Variants in VWC2L observed in about 807,000 individuals in gnomAD.
VWC2L encodes the protein von Willebrand factor C domain-containing protein 2-like.
A neutral mutation model predicts 21.6 loss-of-function variants in VWC2L; 10 were observed. The ratio of observed to expected loss-of-function variants is 0.46; its 90% CI spans 0.29 to 0.78. The LOEUF (loss-of-function observed/expected upper bound fraction) is 0.78. VWC2L is among the 30% of genes least tolerant of loss of function. VWC2L has a pLI of 0.10. For synonymous variants in VWC2L, 96 were observed against 94.3 expected, an observed-to-expected ratio of 1.02 and a Z score of -0.10; for missense variants, 209 against 277.1, an observed-to-expected ratio of 0.75 and a Z score of 1.74.
chr2:214,476,938 T>C (rs530043545), intron 3 of VWC2L, among the ~76,000 whole-genome samples: 9 of 152,296 alleles, frequency 5.9e-5, no homozygotes, highest in African/African-American at 1.7e-4. Context: ...TCCAAGAGCA[T>C]TGATTAACTT....
At chr2:214,545,577 T>C (rs762298792) in intron 3 of VWC2L, among the ~76,000 whole-genome samples, 8 of 152,174 alleles carry the variant, frequency 5.3e-5, no homozygotes, top group Admixed American at 2.0e-4. Context: ...TACAATATAA[T>C]GTGATGTTTC....
At chr2:214,418,854 G>T in intron 2 of VWC2L, among the ~76,000 whole-genome samples, 1 of 152,308 alleles carries the variant, frequency 6.6e-6, no homozygotes, top group Middle Eastern at 3.4e-3. Context: ...TGATAAGACT[G>T]CCTATTTTCG....
chr2:214,572,325 TTC>T (rs1690161755), intron 3 of VWC2L, among the ~76,000 whole-genome samples: 1 of 152,228 alleles, frequency 6.6e-6, no homozygotes, highest in African/African-American at 2.4e-5. Flanking sequence ...TTCCTCCATC[TTC>T]TCTTTCTAGA....
intron 3 of VWC2L, among the ~76,000 whole-genome samples, chr2:214,463,619 ATTCT>A (rs1703173844): frequency 6.6e-6 from 1 of 151,938 alleles, no homozygotes; most frequent in African/African-American, 2.4e-5. Context: ...CTGTTTCTTC[ATTCT>A]TTTTCATTTT....
intron 3 of VWC2L, among the ~76,000 whole-genome samples, chr2:214,547,357 C>T (rs768195439): frequency 7.2e-5 from 11 of 152,080 alleles, no homozygotes; most frequent in Non-Finnish European, 1.3e-4. Context: ...TAGAACTAAA[C>T]ATCTAGATCT....
chr2:214,574,062 A>G (rs962629201), intron 3 of VWC2L, among the ~76,000 whole-genome samples: 1 of 152,212 alleles, frequency 6.6e-6, no homozygotes, highest in African/African-American at 2.4e-5. Flanking sequence ...GAATTGCTCA[A>G]GTCCTGGAGG....
chr2:214,557,249 C>A (rs562185423), intron 3 of VWC2L, among the ~76,000 whole-genome samples: 1 of 152,140 alleles, frequency 6.6e-6, no homozygotes, highest in African/African-American at 2.4e-5. Context: ...CAACTCTTCA[C>A]AGGGTGGCAG....
At chr2:214,472,144 G>T (rs554180022) in intron 3 of VWC2L, 1 of 152,028 alleles carries the variant, frequency 6.6e-6, no homozygotes, top group Admixed American at 6.6e-5. Context: ...AATAAGTATT[G>T]GGTATGACTC....
chr2:214,563,542 G>C (rs535685497), intron 3 of VWC2L, among the ~76,000 whole-genome samples: 3 of 55,216 alleles, frequency 5.4e-5, no homozygotes, highest in Non-Finnish European at 1.1e-4. Flanking sequence ...GCAAGACTCC[G>C]TCTCAAAAAA....
intron 3 of VWC2L, among the ~76,000 whole-genome samples, chr2:214,446,754 C>T (rs150764319): frequency 1.1e-4 from 17 of 152,264 alleles, no homozygotes; most frequent in East Asian, 9.6e-4. Context: ...AAAACAGACA[C>T]ATTAGGAAGT....
chr2:214,447,154 C>G (rs748139992), intron 3 of VWC2L, among the ~76,000 whole-genome samples: 45 of 152,210 alleles, frequency 3.0e-4, no homozygotes, highest in Middle Eastern at 3.4e-3. Flanking sequence ...TGGGGTCTGA[C>G]TGGGAAGTGA....
intron 3 of VWC2L, among the ~76,000 whole-genome samples, chr2:214,574,799 T>G (rs1397037596): frequency 6.6e-6 from 1 of 151,882 alleles, no homozygotes; most frequent in East Asian, 1.9e-4. Flanking sequence ...TAATAACAAC[T>G]AACACTGAAC....
At chr2:214,535,588 A>G (rs1170518715) in intron 3 of VWC2L, among the ~76,000 whole-genome samples, 2 of 152,054 alleles carry the variant, frequency 1.3e-5, no homozygotes, top group Non-Finnish European at 2.9e-5. Context: ...GTGCTTATAA[A>G]CCATGAGCTT....
chr2:214,456,461 G>A (rs1374864151), intron 3 of VWC2L, among the ~76,000 whole-genome samples: 3 of 151,798 alleles, frequency 2.0e-5, no homozygotes, highest in African/African-American at 7.3e-5. Flanking sequence ...TGTATATTCC[G>A]GACATTACGC....
chr2:214,541,638 C>A (rs62199890), intron 3 of VWC2L, among the ~76,000 whole-genome samples: 2 of 151,896 alleles, frequency 1.3e-5, no homozygotes, highest in South Asian at 2.1e-4. Context: ...CTCTGCCACA[C>A]GTTAGGTAGG....
chr2:214,488,910 G>A (rs1173048605), intron 3 of VWC2L, among the ~76,000 whole-genome samples: 4 of 152,070 alleles, frequency 2.6e-5, no homozygotes, highest in African/African-American at 7.2e-5. Flanking sequence ...TGCCACCCTC[G>A]GGGAGCATCA....
chr2:214,414,060 A>G (rs1349985882), intron 1 of VWC2L, 54 bp from the exon 2 acceptor site: 2 of 1,013,026 alleles, frequency 2.0e-6, no homozygotes, highest in Non-Finnish European at 2.8e-6. Context: ...GCTTAAATGA[A>G]TCTATCTTCA....
intron 3 of VWC2L, among the ~76,000 whole-genome samples, chr2:214,552,793 G>A (rs1689814990): frequency 6.6e-6 from 1 of 152,104 alleles, no homozygotes; most frequent in Admixed American, 6.6e-5. Flanking sequence ...GATGCCTCAA[G>A]AGCAAATATT....
chr2:214,442,871 G>T lies in VWC2L; in HGVS notation c.520+6113G>T, dbSNP rs1038579862. 2.6e-5 allele frequency among the ~76,000 whole-genome samples: 4 copies of T among 152,030 alleles called. No homozygotes were observed. The East Asian group carries it at 7.7e-4, about 29-fold the overall frequency. On this transcript the variant is annotated intron_variant, in intron 3 of 3. Transcript: ENST00000312504. ...AATAAAATACCATTACAAAATCCTTGATCTAAATCCCTGAGTTCTAGATTT... is the reference window on the plus strand; with the variant it reads ...AATAAAATACCATTACAAAATCCTTTATCTAAATCCCTGAGTTCTAGATTT...
Sources: allele counts gnomAD v4.1 joint callset (sites outside exome capture counted in the v4.1 genomes callset), GRCh38; gene constraint gnomAD v4.1.1; transcripts MANE v1.5; gene names NCBI Gene and HGNC (gene_info 2026-07-23, HGNC 2026-07-21).